Variants in AOAH observed in about 807,000 individuals in gnomAD.
AOAH encodes acyloxyacyl hydrolase.
A neutral mutation model predicts 92.2 loss-of-function variants in AOAH; 64 were observed. The observed-to-expected ratio is 0.69, with a 90% CI of 0.57 to 0.86. The LOEUF is 0.86. Ranked by LOEUF, AOAH falls within the 40% of genes least tolerant of loss-of-function variation. The pLI, the probability that AOAH is intolerant of heterozygous loss-of-function variation, is 0.00. For synonymous variants in AOAH, 263 were observed against 254.5 expected, an observed-to-expected ratio of 1.03 and a Z score of -0.32; for missense variants, 656 against 694.6, an observed-to-expected ratio of 0.94 and a Z score of 0.62.
intron 13 of AOAH, among the ~76,000 whole-genome samples, chr7:36,572,893 G>A (rs1219005265): frequency 2.0e-5 from 3 of 152,244 alleles, no homozygotes; most frequent in East Asian, 3.8e-4. Flanking sequence ...GAGTTTGGGT[G>A]CAGCCTCTCC....
intron 16 of AOAH, among the ~76,000 whole-genome samples, chr7:36,533,994 G>A (rs964037249): frequency 6.6e-6 from 1 of 152,152 alleles, no homozygotes; most frequent in East Asian, 1.9e-4. Flanking sequence ...GCCCCTCTGG[G>A]CCCTGGTGTG....
intron 6 of AOAH, among the ~76,000 whole-genome samples, chr7:36,628,780 C>G (rs149654329): frequency 6.6e-6 from 1 of 152,152 alleles, no homozygotes; most frequent in Admixed American, 6.5e-5. Flanking sequence ...GGAATTTTAT[C>G]GAAGGAATAT....
At chr7:36,631,273 G>A (rs1208551454) in intron 6 of AOAH, among the ~76,000 whole-genome samples, 2 of 151,922 alleles carry the variant, frequency 1.3e-5, no homozygotes, top group Non-Finnish European at 2.9e-5. Flanking sequence ...CTTGACCACG[G>A]GAGGCAGAGG....
intron 18 of AOAH, 75 bp downstream of exon 18, chr7:36,532,072 C>A: frequency 6.5e-7 from 1 of 1,546,610 alleles, no homozygotes; most frequent in Non-Finnish European, 8.9e-7. Flanking sequence ...GGATCCCATC[C>A]CCAGTGAAAA....
In AOAH at chr7:36,636,382, T is replaced by G. The variant is rs142299604; in HGVS notation, c.450+1469A>C. ...AAGTAAAAAATTGTAAAATCCTAAT[T>G]AGGAGTTAATGCCAAGGCAGTTTTT... On this transcript the variant is annotated intron_variant, in intron 5 of 20. Transcript: ENST00000617537. Among the ~76,000 whole-genome samples, 170 of 152,264 alleles carry G rather than the reference T, an allele frequency of 1.1e-3. 1 individual carries two copies. Among genetic ancestry groups the G allele is most frequent in the Non-Finnish European group, 2.1e-3 (144 of 68,026 alleles).
At chr7:36,535,093 TG>T (rs1205081301) in intron 16 of AOAH, among the ~76,000 whole-genome samples, 4 of 108,332 alleles carry the variant, frequency 3.7e-5, no homozygotes, top group Non-Finnish European at 8.6e-5. Context: ...TCTCTGTGTG[TG>T]TGTTTGTGTG....
At chr7:36,517,156 GTCTTTCTT>G (rs1554360832) in intron 20 of AOAH, among the ~76,000 whole-genome samples, 26 of 95,500 alleles carry the variant, frequency 2.7e-4, no homozygotes, top group African/African-American at 1.1e-3. Context: ...ATCCATGTTA[GTCTTTCTT>G]TCTTTCTTTC....
chr7:36,530,960 C>A (rs1470439464), intron 18 of AOAH, among the ~76,000 whole-genome samples: 1 of 151,554 alleles, frequency 6.6e-6, no homozygotes, highest in East Asian at 1.9e-4. Flanking sequence ...AGACTTACAC[C>A]TTTAGATATA....
chr7:36,633,274 G>A (rs758494629), intron 5 of AOAH, among the ~76,000 whole-genome samples: 22 of 152,200 alleles, frequency 1.4e-4, no homozygotes, highest in Non-Finnish European at 3.2e-4. Context: ...GTGGGTCGTG[G>A]CAGCCTATGT....
At chr7:36,556,396 A>G (rs1786713928) in intron 13 of AOAH, among the ~76,000 whole-genome samples, 1 of 152,062 alleles carries the variant, frequency 6.6e-6, no homozygotes, top group African/African-American at 2.4e-5. Context: ...GGAGAGCTTT[A>G]CTTCCAACTA....
At chr7:36,521,808 G>T (rs184769122) in intron 20 of AOAH, among the ~76,000 whole-genome samples, 3 of 151,962 alleles carry the variant, frequency 2.0e-5, no homozygotes, top group African/African-American at 7.2e-5. Flanking sequence ...CATATTTTAT[G>T]AATTATAGAA....
At chr7:36,692,381 T>C (rs1273099026) in intron 1 of AOAH, among the ~76,000 whole-genome samples, 4 of 152,228 alleles carry the variant, frequency 2.6e-5, no homozygotes. Flanking sequence ...CTTCTTTTAT[T>C]GCAGACAACT....
At chr7:36,557,015 G>A (rs1454897817) in intron 13 of AOAH, among the ~76,000 whole-genome samples, 4 of 151,854 alleles carry the variant, frequency 2.6e-5, no homozygotes, top group Non-Finnish European at 5.9e-5. Context: ...GTGTGAATTT[G>A]ATCCTGTCAT....
intron 2 of AOAH, among the ~76,000 whole-genome samples, chr7:36,676,476 A>G (rs1796266240): frequency 1.3e-5 from 2 of 152,228 alleles, no homozygotes; most frequent in East Asian, 3.8e-4. Flanking sequence ...ATAAATGGAA[A>G]GACATTCCAT....
intron 11 of AOAH, among the ~76,000 whole-genome samples, chr7:36,615,893 T>TA (rs1791838016): frequency 6.6e-6 from 1 of 151,796 alleles, no homozygotes; most frequent in Admixed American, 6.6e-5. Context: ...TTTTTTTTTT[T>TA]ATTAAAAAAC....
intron 6 of AOAH, among the ~76,000 whole-genome samples, chr7:36,625,935 T>C (rs1223089460): frequency 1.3e-5 from 2 of 152,222 alleles, no homozygotes; most frequent in African/African-American, 4.8e-5. Context: ...TGGTTTTCTC[T>C]CACTTTAATC....
chr7:36,630,700 A>C (rs1793013725), intron 6 of AOAH, among the ~76,000 whole-genome samples: 1 of 152,196 alleles, frequency 6.6e-6, no homozygotes, highest in Admixed American at 6.5e-5. Context: ...GTTTATACTT[A>C]AATTTTAGAT....
At chr7:36,583,319 C>G (rs1401569326) in intron 12 of AOAH, among the ~76,000 whole-genome samples, 1 of 152,122 alleles carries the variant, frequency 6.6e-6, no homozygotes, top group African/African-American at 2.4e-5. Context: ...ATCCAGGGAC[C>G]TTTTCTGCTA....
rs529926819 is a variant in AOAH at position 36,538,276 on chromosome 7, C to T, written c.1306+2043G>A. 1.1e-4 allele frequency among the ~76,000 whole-genome samples: 16 copies of T among 152,224 alleles called. No homozygotes were observed. In the South Asian group the frequency reaches 3.3e-3, roughly 32 times the overall value. On this transcript the variant is annotated intron_variant, in intron 16 of 20. Coordinates refer to ENST00000617537, the MANE Select transcript of AOAH (RefSeq NM_001637.4). ...CTCTCGCCACAGTTGATCCACCCACCTCGGCCTCCCAAATTGCTAAGATTA... is the reference window on the plus strand; with the variant it reads ...CTCTCGCCACAGTTGATCCACCCACTTCGGCCTCCCAAATTGCTAAGATTA...
Sources: gnomAD v4.1 joint callset for allele counts (sites outside exome capture counted in the v4.1 genomes callset) on GRCh38, gnomAD v4.1.1 for gene constraint, MANE v1.5 for transcripts, NCBI Gene and HGNC (gene_info 2026-07-23, HGNC 2026-07-21) for gene names.